The following MGAT5 variants were observed in gnomAD, a reference collection of about 807,000 sequenced individuals.
MGAT5 encodes alpha-1,6-mannosylglycoprotein 6-beta-N-acetylglucosaminyltransferase A.
Under a neutral mutation model 94.3 loss-of-function variants are expected in MGAT5, and 30 were observed. The observed-to-expected ratio is 0.32, with a 90% CI of 0.24 to 0.43. The LOEUF (loss-of-function observed/expected upper bound fraction) is 0.43. Ranked by LOEUF, MGAT5 falls within the 20% of genes least tolerant of loss-of-function variation. The pLI is 1.00. For synonymous variants in MGAT5, 310 were observed against 322.9 expected (o/e 0.96, Z 0.43); for missense variants, 691 against 905.5 (o/e 0.76, Z 3.04).
intron 1 of MGAT5, among the ~76,000 whole-genome samples, chr2:134,236,293 T>C (rs1681634668): frequency 6.6e-6 from 1 of 152,080 alleles, no homozygotes; most frequent in Admixed American, 6.5e-5. Flanking sequence ...ACCTTGAGAT[T>C]AGTTGGAGAG....
Position 134,338,263 on chromosome 2 carries a change from A to G in MGAT5, c.650A>G (p.Glu217Gly), listed in dbSNP as rs765366028. 1 of 1,581,462 alleles carries G rather than the reference A, an allele frequency of 6.3e-7. No individual in the cohort carries two copies. Among genetic ancestry groups the G allele is most frequent in the South Asian group, 1.2e-5 (1 of 85,176 alleles). The change falls in exon 6 of 16, where the codon GAA (glutamate) becomes GGA (glycine). Residue 217 changes from glutamate to glycine, a missense_variant. Around this residue, in one of 4 missense-constraint regions of MGAT5, gnomAD observed 307 missense variants for 335.4 expected, o/e 0.92. Coordinates refer to ENST00000281923, the MANE Select transcript of MGAT5 (RefSeq NM_002410.5). The stretch of plus-strand genomic sequence containing the variant: ...TTATTAAATTTCTGTTGCTAGGCGG[A>G]AATTCGTACAGATTTTAATATTCTC... Reference protein sequence around the residue: ...YEEADHNSLAEIRTDFNILYS... With the variant: ...YEEADHNSLAGIRTDFNILYS...
chr2:134,293,752 T>A (rs1685511372), intron 2 of MGAT5, among the ~76,000 whole-genome samples: 1 of 152,150 alleles, frequency 6.6e-6, no homozygotes, highest in Non-Finnish European at 1.5e-5. Context: ...TGCTTTAAAT[T>A]GAAGAAAAGC....
chr2:134,155,051 C>T (rs1382522266), intron 1 of MGAT5, among the ~76,000 whole-genome samples: 2 of 152,236 alleles, frequency 1.3e-5, no homozygotes, highest in African/African-American at 2.4e-5. Flanking sequence ...GAGAACTCTC[C>T]TGGGCGCTTA....
chr2:134,262,749 C>T (rs1042878349), intron 1 of MGAT5, among the ~76,000 whole-genome samples: 4 of 152,224 alleles, frequency 2.6e-5, no homozygotes, highest in African/African-American at 9.6e-5. Flanking sequence ...AATGTACCTG[C>T]ATCTGTTACC....
rs548213049 is a variant in MGAT5 at position 134,404,517 on chromosome 2, T to C, written c.1530+1380T>C. Among the ~76,000 whole-genome samples, 7 of 152,312 alleles carry C rather than the reference T, an allele frequency of 4.6e-5. No homozygotes were observed. In the East Asian group the frequency reaches 1.4e-3, roughly 29 times the overall value. ...AAGTCCTGGAGGTGGCCCTAACTCATGATTTTTTTAATTGCACATTAAAGC... is the reference window on the plus strand; with the variant it reads ...AAGTCCTGGAGGTGGCCCTAACTCACGATTTTTTTAATTGCACATTAAAGC... On this transcript the variant is annotated intron_variant, in intron 11 of 15. Coordinates refer to ENST00000281923, the MANE Select transcript of MGAT5 (RefSeq NM_002410.5).
chr2:134,189,605 T>TTTTTTTTTTTGTTTTTTG (rs1689250413), intron 1 of MGAT5, among the ~76,000 whole-genome samples: 1 of 106,624 alleles, frequency 9.4e-6, no homozygotes, highest in African/African-American at 4.4e-5. Context: ...TTTTTTTGTT[T>TTTTTTTTTTTGTTTTTTG]TTTTTTTTTT....
At chr2:134,240,561 TAAAA>T (rs1372593717) in intron 1 of MGAT5, among the ~76,000 whole-genome samples, 1 of 151,972 alleles carries the variant, frequency 6.6e-6, no homozygotes, top group African/African-American at 2.4e-5. Context: ...TACATTATAA[TAAAA>T]AAAATTTATG....
intron 4 of MGAT5, among the ~76,000 whole-genome samples, chr2:134,326,553 T>A (rs986236158): frequency 6.6e-6 from 1 of 152,028 alleles, no homozygotes; most frequent in African/African-American, 2.4e-5. Flanking sequence ...CACCCCAGTT[T>A]CCTTAGAAAT....
chr2:134,405,318 G>A (rs907607768), intron 11 of MGAT5, among the ~76,000 whole-genome samples: 2 of 152,188 alleles, frequency 1.3e-5, no homozygotes, highest in African/African-American at 4.8e-5. Flanking sequence ...GGATGTCACT[G>A]ATCCCATTAC....
At chr2:134,326,881 G>A (rs560492213) in intron 4 of MGAT5, among the ~76,000 whole-genome samples, 3 of 152,182 alleles carry the variant, frequency 2.0e-5, no homozygotes, top group East Asian at 3.9e-4. Context: ...GGAGTAAGAA[G>A]TGCAGATATC....
At chr2:134,304,108 T>C (rs932674463) in intron 2 of MGAT5, among the ~76,000 whole-genome samples, 2 of 152,328 alleles carry the variant, frequency 1.3e-5, no homozygotes, top group African/African-American at 2.4e-5. Flanking sequence ...TTAACTGTTA[T>C]GTGGATCTTA....
chr2:134,278,502 A>C (rs944638590), intron 2 of MGAT5, among the ~76,000 whole-genome samples: 1 of 152,178 alleles, frequency 6.6e-6, no homozygotes, highest in Non-Finnish European at 1.5e-5. Context: ...CCTGGGTCAC[A>C]TGGGTCACCC....
chr2:134,352,524 G>C (rs1330342601), intron 9 of MGAT5, among the ~76,000 whole-genome samples: 1 of 152,086 alleles, frequency 6.6e-6, no homozygotes, highest in African/African-American at 2.4e-5. Context: ...ATATATGAAT[G>C]AACTTATGTT....
intron 10 of MGAT5, among the ~76,000 whole-genome samples, chr2:134,375,627 C>T (rs1681120428): frequency 6.6e-6 from 1 of 152,186 alleles, no homozygotes. Flanking sequence ...AAAGATATGT[C>T]TGCCTTTAGA....
intron 1 of MGAT5, among the ~76,000 whole-genome samples, chr2:134,160,603 C>G (rs545466812): frequency 1.3e-5 from 2 of 152,358 alleles, no homozygotes; most frequent in East Asian, 1.9e-4. Context: ...CCACTTCCCC[C>G]ACCAGAACAT....
chr2:134,413,717 T>A (rs1683802834), intron 12 of MGAT5, among the ~76,000 whole-genome samples: 1 of 152,234 alleles, frequency 6.6e-6, no homozygotes, highest in South Asian at 2.1e-4. Flanking sequence ...ATTGATTTTC[T>A]GATTATTTCT....
intron 1 of MGAT5, among the ~76,000 whole-genome samples, chr2:134,236,998 G>A (rs920492123): frequency 1.1e-4 from 17 of 152,128 alleles, no homozygotes; most frequent in Admixed American, 7.2e-4. Flanking sequence ...ATAATTGCAA[G>A]AGAAAAATAG....
rs368929173 is a variant in MGAT5 at position 134,165,789 on chromosome 2, C to A, written c.-143+45498C>A. The stretch of plus-strand genomic sequence containing the variant: ...AACTCTGTCTCAAAAAAAAAAAATT[C>A]TAGGGAGCCAGCAATGTTCTGTAAC... On this transcript the variant is annotated intron_variant, in intron 1 of 16. Coordinates refer to the MGAT5 transcript ENST00000409645. Among the ~76,000 whole-genome samples the A allele has an allele frequency of 2.2e-4, 33 of 151,756 alleles. 1 individual carries two copies. In the East Asian group the frequency reaches 6.2e-3, roughly 29 times the overall value.
At position 134,452,962 on chromosome 2, in the gene MGAT5, T is replaced by G. The variant is rs1412719971; in HGVS notation, c.*4115T>G. On this transcript the variant is annotated 3_prime_UTR_variant, in exon 16 of 16. Coordinates refer to ENST00000281923, the MANE Select transcript of MGAT5 (RefSeq NM_002410.5). ...CAAAAAGTGGGAGACCAAGTTTTTA[T>G]AGCAAAAGACCAAATTAGCTGTAGA... is the stretch of plus-strand genomic sequence containing the variant. 1 of 152,216 alleles carries G rather than the reference T, an allele frequency of 6.6e-6. No individual in the cohort carries two copies. Among genetic ancestry groups the G allele is most frequent in the African/African-American group, 2.4e-5 (1 of 41,442 alleles). The allele number at this position is 152,216 out of a possible 1,614,324, so 9.4% of individuals were successfully genotyped here.
Sources: gnomAD v4.1 joint callset for allele counts (sites outside exome capture counted in the v4.1 genomes callset) on GRCh38, gnomAD v4.1.1 for gene constraint, gnomAD v4.1.1 regional missense constraint, MANE v1.5 for transcripts, NCBI Gene and HGNC (gene_info 2026-07-23, HGNC 2026-07-21) for gene names.